The following ELAPOR2 variants were observed in gnomAD, a reference collection of about 807,000 sequenced individuals.
The protein encoded by ELAPOR2 is endosome/lysosome-associated apoptosis and autophagy regulator family member 2.
In ELAPOR2, 89 loss-of-function variants were observed where a neutral mutation model predicts 120.7. That is an observed-to-expected ratio of 0.74 (90% CI 0.62 to 0.88). ELAPOR2 has a LOEUF of 0.88. ELAPOR2 is among the 40% of genes least tolerant of loss of function. ELAPOR2 has a pLI of 0.00. For synonymous variants in ELAPOR2, 444 were observed against 444.9 expected (o/e 1.00, Z 0.03); for missense variants, 1,134 against 1,251.6 (o/e 0.91, Z 1.42).
At chr7:86,976,569 C>T (rs1336334802) in intron 1 of ELAPOR2, among the ~76,000 whole-genome samples, 1 of 152,106 alleles carries the variant, frequency 6.6e-6, no homozygotes, top group Non-Finnish European at 1.5e-5. Flanking sequence ...CCCCTCCACA[C>T]ACACAAAAGA....
chr7:86,917,366 G>C (rs147230205), intron 12 of ELAPOR2, among the ~76,000 whole-genome samples: 1 of 151,968 alleles, frequency 6.6e-6, no homozygotes, highest in Non-Finnish European at 1.5e-5. Context: ...GCAGTGAGCC[G>C]AGATCGCACC....
chr7:87,039,430 C>G (rs1794689653), intron 1 of ELAPOR2, among the ~76,000 whole-genome samples: 2 of 152,074 alleles, frequency 1.3e-5, no homozygotes, highest in African/African-American at 4.8e-5. Context: ...TACCCTGATA[C>G]CAAAACCAGA....
In ELAPOR2 at chr7:86,964,948, A is replaced by G; in HGVS notation, c.266T>C (p.Val89Ala). ...TGGGTCAGGCAGGCCAGAGCAGTCCACTGCAGAATTTGGAATGGCAACTCT... is the reference window on the plus strand; with the variant it reads ...TGGGTCAGGCAGGCCAGAGCAGTCCGCTGCAGAATTTGGAATGGCAACTCT... ...RWRVAIPNSAVDCSGLPDPVR... is the reference protein window; with the variant it reads ...RWRVAIPNSAADCSGLPDPVR... Residue 89 changes from valine (V) to alanine (A), a missense_variant, in exon 2 of 22, where the codon GTG becomes GCG. Around this residue, in one of 3 missense-constraint regions of ELAPOR2, gnomAD observed 280 missense variants for 331.5 expected, o/e 0.84. Transcript: ENST00000450689. The G allele has an allele frequency of 1.9e-6, 3 of 1,551,572 alleles. No homozygotes were observed. Among genetic ancestry groups the G allele is most frequent in the South Asian group, 1.2e-5 (1 of 84,064 alleles).
intron 19 of ELAPOR2, among the ~76,000 whole-genome samples, chr7:86,894,752 T>C (rs575488342): frequency 6.6e-6 from 1 of 152,186 alleles, no homozygotes; most frequent in East Asian, 1.9e-4. Context: ...ATTCTTCTAG[T>C]GTGTAGAAAT....
At chr7:86,897,191 C>A (rs1261277455) in intron 19 of ELAPOR2, among the ~76,000 whole-genome samples, 2 of 151,710 alleles carry the variant, frequency 1.3e-5, no homozygotes, top group Non-Finnish European at 2.9e-5. Flanking sequence ...TTATATTATC[C>A]CCATCTTAAT....
At chr7:87,049,135 T>A (rs1358600688) in intron 1 of ELAPOR2, among the ~76,000 whole-genome samples, 1 of 152,150 alleles carries the variant, frequency 6.6e-6, no homozygotes, top group Non-Finnish European at 1.5e-5. Context: ...GTTATCTATA[T>A]GAAGCTTACA....
rs1308337758 is a variant in ELAPOR2, at chr7:87,052,767, G to A, written c.189+6558C>T. Among the ~76,000 whole-genome samples, 7 of 102,710 alleles carry A rather than the reference G, an allele frequency of 6.8e-5. No individual in the cohort carries two copies. The East Asian group carries it at 1.5e-3, about 23-fold the overall frequency. The allele number at this position is 102,710 out of a possible 152,430, so 67.4% of individuals were successfully genotyped here. On this transcript the variant is annotated intron_variant, in intron 1 of 21. Transcript: ENST00000450689. ...AACTTCAGTATATTCTGATCACAGG[G>A]TTTGTTTTCTTTTGTTTTGTTTTGT... is the stretch of plus-strand genomic sequence containing the variant.
chr7:86,914,888 A>G, intron 12 of ELAPOR2, 28 bp from the exon 13 acceptor site: 1 of 1,563,496 alleles, frequency 6.4e-7, no homozygotes, highest in Non-Finnish European at 8.7e-7. Context: ...AACTATATTC[A>G]AATAAAGCAC....
intron 3 of ELAPOR2, among the ~76,000 whole-genome samples, chr7:86,947,223 A>G (rs1397623477): frequency 6.6e-6 from 1 of 152,204 alleles, no homozygotes; most frequent in Admixed American, 6.5e-5. Context: ...TGTTTTTTTC[A>G]AAACAGTTTA....
chr7:86,978,043 TTAATTGTAATCGCCA>T (rs1249930834), intron 1 of ELAPOR2, among the ~76,000 whole-genome samples: 1 of 152,222 alleles, frequency 6.6e-6, no homozygotes, highest in African/African-American at 2.4e-5. Context: ...AATTTTACTT[TTAATTGTAATCGCCA>T]TAATTTCCAC....
chr7:86,896,798 A>G (rs553815659), intron 19 of ELAPOR2, among the ~76,000 whole-genome samples: 4 of 152,152 alleles, frequency 2.6e-5, no homozygotes, highest in Non-Finnish European at 4.4e-5. Flanking sequence ...GATATGATCA[A>G]AGTAATTTGG....
At chr7:86,964,796 G>A (rs1791843817) in intron 2 of ELAPOR2, 108 bp downstream of exon 2, 2 of 1,171,134 alleles carry the variant, frequency 1.7e-6, no homozygotes, top group Non-Finnish European at 2.4e-6. Flanking sequence ...AATGCCATAT[G>A]CTCATTTTTG....
chr7:87,045,440 G>C (rs1285539163), intron 1 of ELAPOR2, among the ~76,000 whole-genome samples: 1 of 151,164 alleles, frequency 6.6e-6, no homozygotes, highest in Non-Finnish European at 1.5e-5. Flanking sequence ...TAAAAATGAT[G>C]AGTTCGTGTC....
At chr7:87,021,115 C>G (rs1049906145) in intron 1 of ELAPOR2, among the ~76,000 whole-genome samples, 37 of 152,088 alleles carry the variant, frequency 2.4e-4, no homozygotes, top group South Asian at 1.2e-3. Context: ...CTAAGGATTA[C>G]ACAGCTAGTA....
intron 10 of ELAPOR2, chr7:86,920,885 C>T (rs1789798831): frequency 6.6e-6 from 1 of 152,282 alleles, no homozygotes; most frequent in African/African-American, 2.4e-5. Context: ...CTCAAACCCT[C>T]ATCTCAACTC....
intron 21 of ELAPOR2, among the ~76,000 whole-genome samples, chr7:86,888,192 G>A (rs1799782843): frequency 6.6e-6 from 1 of 152,096 alleles, no homozygotes; most frequent in Admixed American, 6.6e-5. Flanking sequence ...CATGGACAAA[G>A]CGGGGGTACA....
intron 15 of ELAPOR2, among the ~76,000 whole-genome samples, chr7:86,911,465 T>C (rs1337266680): frequency 6.6e-6 from 1 of 152,156 alleles, no homozygotes; most frequent in Non-Finnish European, 1.5e-5. Context: ...TCCTACTCTG[T>C]AGGTATATAC....
rs1299316218 is a variant in ELAPOR2 at position 86,878,707 on chromosome 7, C to A, written c.*1764G>T. The A allele has an allele frequency of 6.6e-6, 1 of 152,112 alleles. No homozygotes were observed. The highest frequency in any genetic ancestry group is 2.4e-5 in the African/African-American group (1 of 41,438). 9.4% of individuals were successfully genotyped at this position (152,112 alleles called of 1,614,324 possible). The stretch of plus-strand genomic sequence containing the variant: ...AAATTTTGATCAAAATGCAGACATG[C>A]TCATAAGCACTCTGTTGGCAGGATA... On this transcript the variant is annotated 3_prime_UTR_variant, in exon 22 of 22. Transcript: ENST00000450689.
intron 1 of ELAPOR2, among the ~76,000 whole-genome samples, chr7:87,055,584 A>G (rs1795236862): frequency 6.6e-6 from 1 of 151,970 alleles, no homozygotes; most frequent in Non-Finnish European, 1.5e-5. Flanking sequence ...AAACTAGCCT[A>G]CACTCACATC....
Sources: allele counts gnomAD v4.1 joint callset (sites outside exome capture counted in the v4.1 genomes callset), GRCh38; gene constraint gnomAD v4.1.1; regional missense constraint gnomAD v4.1.1; transcripts MANE v1.5; gene names NCBI Gene and HGNC (gene_info 2026-07-23, HGNC 2026-07-21).